The following CDH13 variants were observed in gnomAD, a reference collection of about 807,000 sequenced individuals.
CDH13 encodes cadherin 13, also known as cadherin-13.
A neutral mutation model predicts 63.8 loss-of-function variants in CDH13; 24 were observed. The ratio of observed to expected loss-of-function variants is 0.38; its 90% CI spans 0.27 to 0.53. The LOEUF (loss-of-function observed/expected upper bound fraction) is 0.53. Among genes scored for constraint, CDH13 ranks in the 20% least tolerant of loss-of-function variants. The pLI is 0.85. For missense variants in CDH13, 1,049 were observed against 903.1 expected (o/e 1.16, Z -2.07); for synonymous variants, 503 against 355.3 (o/e 1.42, Z -4.67).
intron 8 of CDH13, among the ~76,000 whole-genome samples, chr16:83,632,105 A>G (rs1439569593): frequency 6.6e-6 from 1 of 152,230 alleles, no homozygotes; most frequent in Non-Finnish European, 1.5e-5. Flanking sequence ...GATAGAATGC[A>G]GGGAGGAGGC....
chr16:83,005,012 A>G (rs1181489769), intron 2 of CDH13, among the ~76,000 whole-genome samples: 2 of 152,214 alleles, frequency 1.3e-5, no homozygotes, highest in Non-Finnish European at 2.9e-5. Context: ...GACATTGACT[A>G]GAAGTTTCTC....
chr16:83,665,217 A>G (rs1229979674), intron 8 of CDH13, among the ~76,000 whole-genome samples: 1 of 152,204 alleles, frequency 6.6e-6, no homozygotes. Flanking sequence ...AATAAAATAC[A>G]TATATACATA....
At chr16:82,706,642 A>G (rs2031515683) in intron 1 of CDH13, among the ~76,000 whole-genome samples, 2 of 151,872 alleles carry the variant, frequency 1.3e-5, no homozygotes, top group Non-Finnish European at 2.9e-5. Flanking sequence ...TAAAACTAAA[A>G]AAAAAAAAAA....
chr16:83,320,840 G>A (rs1473145080), intron 5 of CDH13, among the ~76,000 whole-genome samples: 3 of 152,192 alleles, frequency 2.0e-5, no homozygotes, highest in South Asian at 2.1e-4. Flanking sequence ...CTTAGGCTAC[G>A]AGAGTTGGAA....
Position 82,913,393 on chromosome 16 carries a change from G to A in CDH13, c.157+54920G>A, listed in dbSNP as rs548821096. Among the ~76,000 whole-genome samples the A allele has an allele frequency of 4.6e-5, 7 of 152,220 alleles. No homozygotes were observed. The East Asian group carries it at 1.2e-3, about 25-fold the overall frequency. ...GGTGCATGTTTTACCTTGATCTACTGTGCTTGGAGCCTTTTCTTTCCCAGA... is the reference window on the plus strand; with the variant it reads ...GGTGCATGTTTTACCTTGATCTACTATGCTTGGAGCCTTTTCTTTCCCAGA... On this transcript the variant is annotated intron_variant, in intron 2 of 13. Coordinates refer to ENST00000567109, the MANE Select transcript of CDH13 (RefSeq NM_001257.5).
intron 2 of CDH13, among the ~76,000 whole-genome samples, chr16:83,026,792 C>G (rs1915846500): frequency 6.6e-6 from 1 of 152,156 alleles, no homozygotes; most frequent in Admixed American, 6.5e-5. Context: ...CCAAGCATCA[C>G]TTCATTCAAA....
Position 83,683,130 on chromosome 16 carries a change from G to A in CDH13, c.1538+4669G>A, listed in dbSNP as rs535976020. The stretch of plus-strand genomic sequence containing the variant: ...TCTCCAAGGAACCTGTGACTACAAA[G>A]ACAAGGGGTGTCCAAACATCAGAGG... On this transcript the variant is annotated intron_variant, in intron 10 of 13. Coordinates refer to ENST00000567109, the MANE Select transcript of CDH13 (RefSeq NM_001257.5). 9.5e-4 allele frequency among the ~76,000 whole-genome samples: 145 copies of A among 152,324 alleles called. 1 individual carries two copies. Among genetic ancestry groups the A allele is most frequent in the Non-Finnish European group, 1.9e-3 (126 of 68,030 alleles).
intron 2 of CDH13, among the ~76,000 whole-genome samples, chr16:82,950,359 G>C (rs1420830986): frequency 6.6e-6 from 1 of 152,060 alleles, no homozygotes; most frequent in Non-Finnish European, 1.5e-5. Flanking sequence ...GTATGGTTTG[G>C]CTGTGTCCCC....
chr16:83,515,440 C>T (rs1177175181), intron 7 of CDH13, among the ~76,000 whole-genome samples: 1 of 152,208 alleles, frequency 6.6e-6, no homozygotes, highest in Non-Finnish European at 1.5e-5. Context: ...CACATATCTG[C>T]ATGTGTTCAG....
At chr16:83,417,064 A>AC (rs2071571545) in intron 6 of CDH13, among the ~76,000 whole-genome samples, 1 of 152,182 alleles carries the variant, frequency 6.6e-6, no homozygotes, top group Non-Finnish European at 1.5e-5. Context: ...TTCACTTATC[A>AC]TGGGAATGAT....
At chr16:82,761,799 A>C (rs961601181) in intron 1 of CDH13, among the ~76,000 whole-genome samples, 1 of 152,220 alleles carries the variant, frequency 6.6e-6, no homozygotes, top group Admixed American at 6.5e-5. Context: ...TGAGATTTGA[A>C]GTGATGTCTA....
At chr16:83,186,993 C>T (rs552723107) in intron 4 of CDH13, among the ~76,000 whole-genome samples, 8 of 151,488 alleles carry the variant, frequency 5.3e-5, no homozygotes, top group South Asian at 2.1e-4. Context: ...TTTTTTGAGA[C>T]GGAGTCTCGC....
chr16:83,501,576 C>T (rs928624850), intron 7 of CDH13, among the ~76,000 whole-genome samples: 14 of 152,196 alleles, frequency 9.2e-5, no homozygotes, highest in African/African-American at 3.4e-4. Flanking sequence ...TTCATCCAGG[C>T]ATTACATTAG....
chr16:82,751,294 C>T (rs1309278917), intron 1 of CDH13, among the ~76,000 whole-genome samples: 1 of 152,122 alleles, frequency 6.6e-6, no homozygotes, highest in Non-Finnish European at 1.5e-5. Flanking sequence ...TCATCACTAC[C>T]CTGAAATTCT....
intron 2 of CDH13, among the ~76,000 whole-genome samples, chr16:82,928,747 A>T (rs897483062): frequency 6.6e-6 from 1 of 152,250 alleles, no homozygotes; most frequent in Non-Finnish European, 1.5e-5. Flanking sequence ...GTAAGAGCAG[A>T]TGTAAGAAGA....
At chr16:83,036,864 C>A (rs1916908041) in intron 3 of CDH13, among the ~76,000 whole-genome samples, 1 of 152,182 alleles carries the variant, frequency 6.6e-6, no homozygotes. Flanking sequence ...ATACACCCCA[C>A]ACAAGCCAGG....
chr16:83,753,369 C>G (rs1267048105), intron 11 of CDH13, among the ~76,000 whole-genome samples: 1 of 152,124 alleles, frequency 6.6e-6, no homozygotes, highest in Non-Finnish European at 1.5e-5. Context: ...CATGGCAAAA[C>G]TCCATCCCGA....
chr16:82,666,362 A>C (rs1183007591), intron 1 of CDH13, among the ~76,000 whole-genome samples: 1 of 152,200 alleles, frequency 6.6e-6, no homozygotes, highest in East Asian at 1.9e-4. Context: ...TTCAAAGGCA[A>C]GGTACCTGAA....
rs550764141 is a variant in CDH13 at position 83,180,232 on chromosome 16, A to C, written c.484-37113A>C. Among the ~76,000 whole-genome samples the C allele has an allele frequency of 5.3e-5, 8 of 152,300 alleles. No individual in the cohort carries two copies. The South Asian group carries it at 1.7e-3, about 32-fold the overall frequency. On this transcript the variant is annotated intron_variant, in intron 4 of 13. Coordinates refer to ENST00000567109, the MANE Select transcript of CDH13 (RefSeq NM_001257.5). ...GCCCTAAATCAATCAACATATTTTA[A>C]GAGAACTGAAATGGTTTTGGGGTAA...
Sources: gnomAD v4.1 joint callset for allele counts (sites outside exome capture counted in the v4.1 genomes callset) on GRCh38, gnomAD v4.1.1 for gene constraint, MANE v1.5 for transcripts, NCBI Gene and HGNC (gene_info 2026-07-23, HGNC 2026-07-21) for gene names.